Variants in AFG1L observed in about 807,000 individuals in gnomAD.
AFG1L encodes the protein AFG1 like ATPase.
In AFG1L, 53 loss-of-function variants were observed where a neutral mutation model predicts 62.2. That is an observed-to-expected ratio of 0.85 (90% CI 0.68 to 1.07). The LOEUF is 1.07. AFG1L is among the 50% of genes least tolerant of loss of function. The pLI, the probability that AFG1L is intolerant of heterozygous loss-of-function variation, is 0.00. For missense variants in AFG1L, 555 were observed against 590.5 expected (o/e 0.94, Z 0.62); for synonymous variants, 228 against 210.3 (o/e 1.08, Z -0.73).
chr6:108,458,166 T>C (rs893680389), intron 8 of AFG1L, among the ~76,000 whole-genome samples: 4 of 152,278 alleles, frequency 2.6e-5, no homozygotes, highest in African/African-American at 4.8e-5. Flanking sequence ...TTGTGCTTCT[T>C]GGATGTGTGG....
chr6:108,514,895 C>G (rs1188562009), intron 11 of AFG1L, among the ~76,000 whole-genome samples: 1 of 152,108 alleles, frequency 6.6e-6, no homozygotes, highest in Non-Finnish European at 1.5e-5. Flanking sequence ...TCAAAAGAGA[C>G]AAAGAAGGCC....
intron 7 of AFG1L, among the ~76,000 whole-genome samples, chr6:108,411,142 C>T (rs933853718): frequency 6.6e-6 from 1 of 152,184 alleles, no homozygotes; most frequent in Admixed American, 6.6e-5. Flanking sequence ...GGGTCCCATG[C>T]CCATGGAGCC....
intron 2 of AFG1L, among the ~76,000 whole-genome samples, 156 bp downstream of exon 2, chr6:108,324,204 A>G (rs1777940733): frequency 6.6e-6 from 1 of 152,178 alleles, no homozygotes. Flanking sequence ...TGGCCTTTTG[A>G]TGTTCCATAG....
rs2114925570 is a variant in AFG1L at position 108,523,232 on chromosome 6, A to G, written c.*807A>G. On this transcript the variant is annotated 3_prime_UTR_variant, in exon 13 of 13. Coordinates refer to ENST00000368977, the MANE Select transcript of AFG1L (RefSeq NM_145315.5). ...AACAGCAGAGGAGACTCCCGCTCAC[A>G]TGAGGCCAGCCGTACCCCAGTGGAC... The G allele has an allele frequency of 6.6e-6, 1 of 152,426 alleles. No homozygotes were observed. Among genetic ancestry groups the G allele is most frequent in the African/African-American group, 2.4e-5 (1 of 41,564 alleles). The allele number at this position is 152,426 out of a possible 1,614,324, so 9.4% of individuals were successfully genotyped here.
chr6:108,475,457 C>G (rs1367514561), intron 8 of AFG1L, among the ~76,000 whole-genome samples: 1 of 152,020 alleles, frequency 6.6e-6, no homozygotes, highest in Non-Finnish European at 1.5e-5. Context: ...AATGAATTCT[C>G]AAGAATAATG....
chr6:108,514,499 A>G (rs1774797208), intron 11 of AFG1L, among the ~76,000 whole-genome samples: 1 of 152,216 alleles, frequency 6.6e-6, no homozygotes, highest in Non-Finnish European at 1.5e-5. Context: ...TGAAGGAAGC[A>G]CTAAACATGG....
intron 6 of AFG1L, among the ~76,000 whole-genome samples, chr6:108,377,208 T>A (rs1045717962): frequency 1.3e-5 from 2 of 152,220 alleles, no homozygotes; most frequent in Non-Finnish European, 2.9e-5. Context: ...AACTTGCCAC[T>A]CTTTGCCTTG....
chr6:108,390,303 T>A (rs1023559641), intron 6 of AFG1L, among the ~76,000 whole-genome samples: 1 of 152,172 alleles, frequency 6.6e-6, no homozygotes, highest in Non-Finnish European at 1.5e-5. Flanking sequence ...CTTCTTTGAG[T>A]TGGGTTCGAA....
intron 8 of AFG1L, among the ~76,000 whole-genome samples, chr6:108,458,694 G>A (rs1297554368): frequency 3.3e-5 from 5 of 151,944 alleles, no homozygotes; most frequent in African/African-American, 9.7e-5. Context: ...ATTTATAATT[G>A]CAGTTTTAAT....
At chr6:108,402,178 T>A (rs1266630506) in intron 7 of AFG1L, 124 bp downstream of exon 7, 3 of 487,810 alleles carry the variant, frequency 6.1e-6, no homozygotes, top group Non-Finnish European at 1.1e-5. Context: ...ATAGTAATAG[T>A]CAGGGGCCGG....
intron 8 of AFG1L, among the ~76,000 whole-genome samples, chr6:108,467,249 C>CG (rs1236004110): frequency 2.8e-5 from 4 of 141,998 alleles, no homozygotes; most frequent in Non-Finnish European, 6.2e-5. Flanking sequence ...GAGGTACTTA[C>CG]TTTTTTTTTT....
chr6:108,442,730 A>C (rs1771603593), intron 7 of AFG1L, among the ~76,000 whole-genome samples: 1 of 151,860 alleles, frequency 6.6e-6, no homozygotes, highest in East Asian at 1.9e-4. Flanking sequence ...GCCACAACCC[A>C]GTCTTTGGGT....
intron 1 of AFG1L, among the ~76,000 whole-genome samples, chr6:108,311,930 T>A (rs1777428387): frequency 6.6e-6 from 1 of 152,098 alleles, no homozygotes; most frequent in Non-Finnish European, 1.5e-5. Flanking sequence ...AGTGGTACGA[T>A]CTCTGCTCAC....
chr6:108,344,647 T>C (rs1778798801), intron 2 of AFG1L: 1 of 461,402 alleles, frequency 2.2e-6, no homozygotes, highest in Non-Finnish European at 4.4e-6. Context: ...AAGCTAGGTT[T>C]TGAGAATGTT....
At chr6:108,484,419 A>G (rs895588582) in intron 10 of AFG1L, among the ~76,000 whole-genome samples, 2 of 152,184 alleles carry the variant, frequency 1.3e-5, no homozygotes, top group Admixed American at 1.3e-4. Flanking sequence ...CAAATGAGCC[A>G]TAAGTCTTTT....
At chr6:108,301,493 G>A (rs547116452) in intron 1 of AFG1L, among the ~76,000 whole-genome samples, 1 of 152,274 alleles carries the variant, frequency 6.6e-6, no homozygotes, top group East Asian at 1.9e-4. Context: ...TAACTATTAG[G>A]GTCTCTTGTA....
chr6:108,429,610 C>T (rs958013324), intron 7 of AFG1L, among the ~76,000 whole-genome samples: 7 of 152,090 alleles, frequency 4.6e-5, no homozygotes, highest in African/African-American at 1.4e-4. Context: ...TTTTTGGGTT[C>T]TCTGTTCTGT....
intron 10 of AFG1L, among the ~76,000 whole-genome samples, chr6:108,506,264 T>C (rs1774417253): frequency 6.6e-6 from 1 of 152,176 alleles, no homozygotes; most frequent in African/African-American, 2.4e-5. Context: ...TCGAGTGCAA[T>C]GGTGGTGATC....
chr6:108,348,289 A>G (rs1456650656), intron 3 of AFG1L, among the ~76,000 whole-genome samples: 2 of 152,214 alleles, frequency 1.3e-5, no homozygotes, highest in Non-Finnish European at 2.9e-5. Flanking sequence ...CGTGTTAGCC[A>G]GGATGGCCTC....
Sources: gnomAD v4.1 joint callset for allele counts (sites outside exome capture counted in the v4.1 genomes callset) on GRCh38, gnomAD v4.1.1 for gene constraint, MANE v1.5 for transcripts, NCBI Gene and HGNC (gene_info 2026-07-23, HGNC 2026-07-21) for gene names.